The following PHF24 variants were observed in gnomAD, a reference collection of about 807,000 sequenced individuals.
PHF24 encodes the protein PHD finger protein 24.
PHF24 carries 25 observed loss-of-function variants against 42.6 expected under a neutral mutation model. That is an observed-to-expected ratio of 0.59 (90% CI 0.43 to 0.82). The LOEUF (loss-of-function observed/expected upper bound fraction) is 0.82, where lower values mean the gene tolerates loss of function less well. Ranked by LOEUF, PHF24 falls within the 40% of genes least tolerant of loss-of-function variation. The probability of loss-of-function intolerance (pLI) is 0.00; values close to 1 mark genes in which losing one functional copy is unlikely to be tolerated. For synonymous variants in PHF24, 185 were observed against 204.8 expected, an observed-to-expected ratio of 0.90 and a Z score of 0.83; for missense variants, 470 against 538.1, an observed-to-expected ratio of 0.87 and a Z score of 1.25.
At chr9:34,703,186 T>G in the PHF24 span, among the ~76,000 whole-genome samples, 2 of 152,152 alleles carry the variant, frequency 1.3e-5, no homozygotes, top group Non-Finnish European at 2.9e-5. Context: ...TTAAATTTTT[T>G]TTTTTTGAGA....
chr9:34,677,390 T>C, the PHF24 span, among the ~76,000 whole-genome samples: 1 of 62,998 alleles, frequency 1.6e-5, no homozygotes, highest in Non-Finnish European at 3.7e-5. Context: ...TTGTAAACTG[T>C]TTTTTTTTTT....
At chr9:34,726,663 C>T in the PHF24 span, 1 of 1,551,642 alleles carries the variant, frequency 6.4e-7, no homozygotes, top group Non-Finnish European at 8.7e-7. Context: ...TCTTGTATGC[C>T]ATCTGCATAC....
At chr9:34,972,370 G>A in exon 3 of PHF24, 1 of 1,611,742 alleles carries the variant, frequency 6.2e-7, no homozygotes. Context: ...GATGTGTGAT[G>A]TTTGTGAGGT....
chr9:34,699,533 C>A, the PHF24 span, among the ~76,000 whole-genome samples: 26 of 152,178 alleles, frequency 1.7e-4, no homozygotes. Context: ...TCCATTAACC[C>A]TTTTTGAGCA....
chr9:34,967,148 G>A, intron 1 of PHF24, among the ~76,000 whole-genome samples: 1 of 152,072 alleles, frequency 6.6e-6, no homozygotes, highest in Admixed American at 6.5e-5. Context: ...ATCTCTGGTG[G>A]ATCTTCCAAC....
chr9:34,755,689 A>AGCTGGAGTGTGGTAGAGCAATCAT, the PHF24 span, among the ~76,000 whole-genome samples: 1 of 152,006 alleles, frequency 6.6e-6, no homozygotes, highest in African/African-American at 2.4e-5. Flanking sequence ...TCTGTTGCCC[A>AGCTGGAGTGTGGTAGAGCAATCAT]AGCTGGAGTG....
rs145195887 is a variant in PHF24, at chr9:34,978,344, C to T, written c.*233C>T. The T allele has an allele frequency of 1.8e-3, 994 of 548,252 alleles. 7 individuals are homozygous for T. The highest frequency in any genetic ancestry group is 0.017 in the African/African-American group (919 of 53,078). 34.0% of individuals were successfully genotyped at this position (548,252 alleles called of 1,614,324 possible). On this transcript the variant is annotated 3_prime_UTR_variant, in exon 8 of 8. Coordinates refer to ENST00000242315, the Ensembl canonical transcript of PHF24. Reference sequence around the variant, plus strand: ...GCTGTGGCAGCATCCTCTCCTGGACCGCCCCTGCCCCACATCATAGACGGG... The same window carrying T: ...GCTGTGGCAGCATCCTCTCCTGGACTGCCCCTGCCCCACATCATAGACGGG...
chr9:34,951,851 G>T, the PHF24 span, among the ~76,000 whole-genome samples: 2 of 152,220 alleles, frequency 1.3e-5, no homozygotes, highest in South Asian at 2.1e-4. Context: ...CTGGATTCTT[G>T]CTGGCTGTTG....
chr9:34,671,496 T>C, the PHF24 span, among the ~76,000 whole-genome samples: 1 of 152,212 alleles, frequency 6.6e-6, no homozygotes, highest in African/African-American at 2.4e-5. Context: ...GAAAGCAGCC[T>C]GCCTTGGGTT....
At chr9:34,854,147 G>A in the PHF24 span, among the ~76,000 whole-genome samples, 2 of 143,004 alleles carry the variant, frequency 1.4e-5, no homozygotes, top group East Asian at 4.0e-4. Context: ...TTCTGATTGT[G>A]TCTATTTGGT....
the PHF24 span, among the ~76,000 whole-genome samples, chr9:34,697,975 G>A: frequency 2.6e-5 from 4 of 152,182 alleles, no homozygotes; most frequent in East Asian, 7.7e-4. Flanking sequence ...AAATTACTAT[G>A]AAATCTGTAG....
the PHF24 span, among the ~76,000 whole-genome samples, chr9:34,676,789 G>A: frequency 1.2e-4 from 19 of 152,310 alleles, no homozygotes; most frequent in East Asian, 3.7e-3. Context: ...GGGGGAGCAG[G>A]CATCTCATAT....
At chr9:34,917,336 G>T in the PHF24 span, 1 of 860,014 alleles carries the variant, frequency 1.2e-6, no homozygotes, top group South Asian at 1.3e-5. Context: ...CCAAGTGTGT[G>T]GAAGAGTTGC....
chr9:34,716,082 G>A, the PHF24 span, among the ~76,000 whole-genome samples: 2 of 152,214 alleles, frequency 1.3e-5, no homozygotes, highest in African/African-American at 4.8e-5. Flanking sequence ...GCCTGGGTGC[G>A]TTGCTGCTCC....
chr9:34,766,679 T>G, the PHF24 span, among the ~76,000 whole-genome samples: 1 of 152,252 alleles, frequency 6.6e-6, no homozygotes, highest in African/African-American at 2.4e-5. Flanking sequence ...TTTGAGCGTC[T>G]GAAGCCTTCT....
the PHF24 span, among the ~76,000 whole-genome samples, chr9:34,757,335 T>A: frequency 6.6e-6 from 1 of 152,138 alleles, no homozygotes; most frequent in Non-Finnish European, 1.5e-5. Context: ...TAGTTTGGTG[T>A]TCACATATAG....
At chr9:34,867,292 A>G in the PHF24 span, among the ~76,000 whole-genome samples, 1 of 152,200 alleles carries the variant, frequency 6.6e-6, no homozygotes, top group Non-Finnish European at 1.5e-5. Flanking sequence ...CATTTAATGC[A>G]ATTATTACAC....
chr9:34,712,050 T>G, the PHF24 span, among the ~76,000 whole-genome samples: 1 of 152,174 alleles, frequency 6.6e-6, no homozygotes, highest in Non-Finnish European at 1.5e-5. Context: ...ATGTCTTATT[T>G]CTCCTTAATT....
At chr9:34,875,884 A>C in the PHF24 span, among the ~76,000 whole-genome samples, 1 of 150,336 alleles carries the variant, frequency 6.7e-6, no homozygotes, top group Admixed American at 6.7e-5. Flanking sequence ...CAATAGCCTA[A>C]GCAAAAGCTC....
Sources: gnomAD v4.1 joint callset for allele counts (sites outside exome capture counted in the v4.1 genomes callset) on GRCh38, gnomAD v4.1.1 for gene constraint, MANE v1.5 for transcripts, NCBI Gene and HGNC (gene_info 2026-07-23, HGNC 2026-07-21) for gene names.